SYT7: variants seen among roughly 807,000 people sequenced by gnomAD.
SYT7 encodes the protein synaptotagmin-7.
SYT7 carries 29 observed loss-of-function variants against 75.1 expected under a neutral mutation model. The ratio of observed to expected loss-of-function variants is 0.39; its 90% CI spans 0.29 to 0.53. The LOEUF (loss-of-function observed/expected upper bound fraction) is 0.53. SYT7 is among the 20% of genes least tolerant of loss of function. The pLI, the probability that SYT7 is intolerant of heterozygous loss-of-function variation, is 0.77. For synonymous variants in SYT7, 376 were observed against 401.7 expected (o/e 0.94, Z 0.76); for missense variants, 693 against 953.2 (o/e 0.73, Z 3.59).
At chr11:61,541,762 G>A (rs945620211) in intron 6 of SYT7, among the ~76,000 whole-genome samples, 2 of 151,930 alleles carry the variant, frequency 1.3e-5, no homozygotes, top group African/African-American at 4.8e-5. Context: ...TAGCAGAGTC[G>A]GGTTACAGGG....
chr11:61,518,598 T>C lies in SYT7; in HGVS notation c.*29A>G. 1 of 1,494,446 alleles carries C rather than the reference T, an allele frequency of 6.7e-7. No homozygotes were observed. The highest frequency in any genetic ancestry group is 9.0e-7 in the Non-Finnish European group (1 of 1,109,478). 92.6% of individuals were successfully genotyped at this position (1,494,446 alleles called of 1,614,324 possible). A position where few individuals can be genotyped will look rare whatever the true frequency, so the allele number is the denominator to read the frequency against. ...GAGGGCATGATGGGGACCTGGGCCC[T>C]CGGCCCCCTGGGCCTCCCTTGGCCC... On this transcript the variant is annotated 3_prime_UTR_variant, in exon 13 of 13. Transcript: ENST00000539008.
At position 61,524,307 on chromosome 11, in the gene SYT7, A is replaced by C; in HGVS notation, c.1641+56T>G. ...AAGGTTGACAAGGGTCTGGGACCAG[A>C]TCTCCCAGCCCTGCCCTGCTGCCTG... On this transcript the variant is annotated intron_variant, in intron 10 of 12. Transcript: ENST00000539008. The surrounding 1 kb of genome is among the most constrained non-coding windows in gnomAD (Gnocchi z 4.1). 1 of 1,594,650 alleles carries C rather than the reference A, an allele frequency of 6.3e-7. No homozygotes were observed. Among genetic ancestry groups the C allele is most frequent in the Non-Finnish European group, 8.6e-7 (1 of 1,169,180 alleles).
intron 4 of SYT7, 121 bp downstream of exon 4, chr11:61,547,056 G>C: frequency 7.8e-7 from 1 of 1,274,934 alleles, no homozygotes. Context: ...GGGAAGTTGG[G>C]GGACAGGAGC....
intron 12 of SYT7, among the ~76,000 whole-genome samples, chr11:61,521,655 G>A (rs1487395511): frequency 6.6e-6 from 1 of 152,174 alleles, no homozygotes; most frequent in African/African-American, 2.4e-5. Context: ...TCTGAGGGTT[G>A]CCTCCAACTC....
intron 1 of SYT7, among the ~76,000 whole-genome samples, chr11:61,567,184 C>T (rs2063792694): frequency 6.6e-6 from 1 of 152,214 alleles, no homozygotes; most frequent in African/African-American, 2.4e-5. Context: ...TGTTCTGTCA[C>T]TTCCAGTTGT....
At chr11:61,578,182 A>T (rs1440464992) in intron 1 of SYT7, among the ~76,000 whole-genome samples, 1 of 152,182 alleles carries the variant, frequency 6.6e-6, no homozygotes, top group Non-Finnish European at 1.5e-5. Flanking sequence ...CTTCATTCAC[A>T]ATAGATCAGG....
chr11:61,538,319 G>T (rs2062929737), intron 6 of SYT7, 53 bp from the exon 7 acceptor site: 1 of 1,506,318 alleles, frequency 6.6e-7, no homozygotes, highest in South Asian at 1.2e-5. Flanking sequence ...GGCCCCGTGG[G>T]CGGGGGCAGG....
At chr11:61,558,481 T>C (rs754565768) in intron 1 of SYT7, among the ~76,000 whole-genome samples, 1 of 139,462 alleles carries the variant, frequency 7.2e-6, no homozygotes, top group Admixed American at 7.1e-5. Flanking sequence ...AAAAAATATA[T>C]ATATACACAC....
chr11:61,527,517 G>A (rs753370878), intron 9 of SYT7, among the ~76,000 whole-genome samples: 6 of 152,128 alleles, frequency 3.9e-5, no homozygotes, highest in Admixed American at 1.3e-4. Context: ...TGAGTCCTAC[G>A]GGTGCCTCCC....
At chr11:61,534,242 G>A (rs2062796823) in intron 7 of SYT7, among the ~76,000 whole-genome samples, 1 of 152,318 alleles carries the variant, frequency 6.6e-6, no homozygotes, top group South Asian at 2.1e-4. Flanking sequence ...GTGGACATGA[G>A]CCATGGCCCT....
rs1210301006 is a variant in SYT7 at position 61,576,886 on chromosome 11, T to C, written c.31+3904A>G. Among the ~76,000 whole-genome samples, 1 of 151,928 alleles carries C rather than the reference T, an allele frequency of 6.6e-6. No individual in the cohort carries two copies. The highest frequency in any genetic ancestry group is 1.5e-5 in the Non-Finnish European group (1 of 67,976). The stretch of plus-strand genomic sequence containing the variant: ...ATGCCCCTTAAGCCTGAGCTTGGGG[T>C]CAGCCAGGAGCAGAACCCAGCTGCC... On this transcript the variant is annotated intron_variant, in intron 1 of 12. Coordinates refer to ENST00000539008, the MANE Select transcript of SYT7 (RefSeq NM_001365809.2). This position sits in a 1 kb window ranked among gnomAD's most constrained non-coding sequence, Gnocchi z 4.1.
At position 61,528,092 on chromosome 11, in the gene SYT7, C is replaced by G; in HGVS notation, c.1294G>C (p.Glu432Gln). ...IQFSVGYNFQESTLTVKIMKA... is the reference protein window; with the variant it reads ...IQFSVGYNFQQSTLTVKIMKA... ...ATGATCTTCACGGTGAGCGTGGACT[C>G]CTGGAAGTTGTAGCCGACACTGAAC... is the stretch of plus-strand genomic sequence containing the variant. Residue 432 changes from glutamate (E) to glutamine (Q), a missense_variant, in exon 9 of 13, where the codon GAG becomes CAG. Physicochemically the swap from Glu to Gln is conservative, Grantham distance 29. Transcript: ENST00000539008. 3 of 1,613,878 alleles carry G rather than the reference C, an allele frequency of 1.9e-6. No individual in the cohort carries two copies. The highest frequency in any genetic ancestry group is 2.5e-6 in the Non-Finnish European group (3 of 1,180,006).
Position 61,553,590 on chromosome 11 carries a change from C to T in SYT7, c.136-2127G>A, listed in dbSNP as rs999663665. The stretch of plus-strand genomic sequence containing the variant: ...TCGACTATTGCTCTGCAGCAGGAGC[C>T]GAGGTGCTATGGGGGACAGGAACCA... On this transcript the variant is annotated intron_variant, in intron 2 of 12. Coordinates refer to ENST00000539008, the MANE Select transcript of SYT7 (RefSeq NM_001365809.2). The surrounding 1 kb of genome is among the most constrained non-coding windows in gnomAD (Gnocchi z 5.2). 1.2e-4 allele frequency among the ~76,000 whole-genome samples: 19 copies of T among 152,172 alleles called. No individual in the cohort carries two copies. The highest frequency in any genetic ancestry group is 7.2e-5 in the African/African-American group (3 of 41,436).
chr11:61,514,649 CAGAAGAAACAGGT>C lies in SYT7; in HGVS notation c.*3965_*3977del, dbSNP rs1034645609. 6.6e-6 allele frequency among the ~76,000 whole-genome samples: 1 copy of C among 152,146 alleles called. No individual in the cohort carries two copies. Among genetic ancestry groups the C allele is most frequent in the African/African-American group, 2.4e-5 (1 of 41,418 alleles). ...GGGATGGTTATTGCTTTGTTGTGGC[CAGAAGAAACAGGT>C]GGAAGGAAAGAGCTTGCCCAGGGCC... On this transcript the variant is annotated 3_prime_UTR_variant, in exon 13 of 13. Transcript: ENST00000539008.
In SYT7 at chr11:61,518,657, G is replaced by A. The variant is rs182109634; in HGVS notation, c.2031C>T (p.Pro677=). ...WKDMIARPRQ[P]VAQWHQLKA is the part of the protein sequence containing the mutation. Reference sequence around the variant, plus strand: ...CCTTCAGCTGGTGCCACTGGGCCACGGGCTGCCGGGGACGGGCAATCATGT... The same window carrying A: ...CCTTCAGCTGGTGCCACTGGGCCACAGGCTGCCGGGGACGGGCAATCATGT... The change falls in exon 13 of 13, where the codon CCC becomes CCT. Residue 677 remains proline (P), a synonymous_variant. Transcript: ENST00000539008. The A allele has an allele frequency of 2.1e-3, 3,213 of 1,548,972 alleles. 2 individuals are homozygous for A. The highest frequency in any genetic ancestry group is 3.4e-3 in the South Asian group (286 of 83,734).
intron 3 of SYT7, 99 bp from the exon 4 acceptor site, chr11:61,547,407 G>A (rs897053481): frequency 1.2e-4 from 170 of 1,399,792 alleles, no homozygotes; most frequent in Middle Eastern, 6.5e-4. Flanking sequence ...CCCCGGGGCC[G>A]GGCACACAGT....
intron 7 of SYT7, among the ~76,000 whole-genome samples, chr11:61,535,839 G>A (rs890025295): frequency 6.6e-6 from 1 of 152,184 alleles, no homozygotes; most frequent in Admixed American, 6.5e-5. Context: ...GGGGTCAGCT[G>A]GGGAGGGAAA....
rs1473624129 is a variant in SYT7, at chr11:61,518,668, G to T, written c.2020C>A (p.Pro674Thr). The T allele has an allele frequency of 6.5e-7, 1 of 1,549,880 alleles. No homozygotes were observed. Among genetic ancestry groups the T allele is most frequent in the Non-Finnish European group, 8.7e-7 (1 of 1,146,038 alleles). The change falls in exon 13 of 13, where the codon CCC (proline) becomes ACC (threonine). Residue 674 changes from proline to threonine, a missense_variant. Coordinates refer to ENST00000539008, the MANE Select transcript of SYT7 (RefSeq NM_001365809.2). ...TGCCACTGGGCCACGGGCTGCCGGG[G>T]ACGGGCAATCATGTCCTTCCAGTGC... Reference protein sequence around the residue: ...VKHWKDMIARPRQPVAQWHQL... With the variant: ...VKHWKDMIARTRQPVAQWHQL...
chr11:61,573,440 G>A (rs1478648489), intron 1 of SYT7, among the ~76,000 whole-genome samples: 1 of 152,152 alleles, frequency 6.6e-6, no homozygotes, highest in Non-Finnish European at 1.5e-5. Context: ...CAGATCTCCT[G>A]GCAGAGGTAG....
Sources: allele counts gnomAD v4.1 joint callset (sites outside exome capture counted in the v4.1 genomes callset), GRCh38; gene constraint gnomAD v4.1.1; non-coding constraint Gnocchi (gnomAD v3.1); transcripts MANE v1.5; gene names NCBI Gene and HGNC (gene_info 2026-07-23, HGNC 2026-07-21).